GRM7: variants seen among roughly 807,000 people sequenced by gnomAD.
The protein encoded by GRM7 is metabotropic glutamate receptor 7.
In GRM7, 35 loss-of-function variants were observed where a neutral mutation model predicts 84.5. The ratio of observed to expected loss-of-function variants is 0.41; its 90% CI spans 0.32 to 0.55. GRM7 has a LOEUF of 0.55. Ranked by LOEUF, GRM7 falls within the 20% of genes least tolerant of loss-of-function variation. The pLI is 0.19. For missense variants in GRM7, 1,003 were observed against 1,194.6 expected (o/e 0.84, Z 2.36); for synonymous variants, 487 against 455.1 (o/e 1.07, Z -0.89).
chr3:7,096,705 C>T (rs1698873309), intron 1 of GRM7, among the ~76,000 whole-genome samples: 2 of 152,240 alleles, frequency 1.3e-5, no homozygotes, highest in African/African-American at 4.8e-5. Flanking sequence ...AATTCCAATG[C>T]TCTATTCACG....
At chr3:6,973,252 G>A (rs183556972) in intron 1 of GRM7, among the ~76,000 whole-genome samples, 1 of 151,506 alleles carries the variant, frequency 6.6e-6, no homozygotes, top group Non-Finnish European at 1.5e-5. Flanking sequence ...TGCCCTAATG[G>A]CACTCAATCA....
chr3:6,977,664 A>G (rs1329797538), intron 1 of GRM7, among the ~76,000 whole-genome samples: 2 of 152,172 alleles, frequency 1.3e-5, no homozygotes, highest in Non-Finnish European at 1.5e-5. Flanking sequence ...AATGTGGATC[A>G]GTACCTTGCT....
Position 7,216,013 on chromosome 3 carries a change from A to G in GRM7, c.736+69345A>G, listed in dbSNP as rs574924923. Among the ~76,000 whole-genome samples the G allele has an allele frequency of 2.6e-5, 4 of 152,346 alleles. No individual in the cohort carries two copies. In the South Asian group the frequency reaches 8.3e-4, roughly 32 times the overall value. The stretch of plus-strand genomic sequence containing the variant: ...GAACTGTAAAATATTCACTATTTAA[A>G]AAACAATATATAGTCTCATGTTTAT... On this transcript the variant is annotated intron_variant, in intron 2 of 9. Transcript: ENST00000357716.
rs575238830 is a variant in GRM7 at position 7,360,300 on chromosome 3, A to G, written c.1033+53648A>G. Reference sequence around the variant, plus strand: ...GCAAATATGCAGAAAATTGAAATCTATGATTTAAAAAGTCTTTTTTAATTT... The same window carrying G: ...GCAAATATGCAGAAAATTGAAATCTGTGATTTAAAAAGTCTTTTTTAATTT... On this transcript the variant is annotated intron_variant, in intron 4 of 9. Coordinates refer to ENST00000357716, the MANE Select transcript of GRM7 (RefSeq NM_000844.4). 5.1e-4 allele frequency among the ~76,000 whole-genome samples: 76 copies of G among 148,086 alleles called. 9 individuals are homozygous for G. Among genetic ancestry groups the G allele is most frequent in the African/African-American group, 1.8e-3 (71 of 39,112 alleles).
chr3:6,883,452 C>T (rs1196718073), intron 1 of GRM7, among the ~76,000 whole-genome samples: 2 of 152,002 alleles, frequency 1.3e-5, no homozygotes, highest in African/African-American at 4.8e-5. Context: ...CAATTTATTT[C>T]CTTTGCCAGT....
At chr3:7,424,200 G>T (rs1696509852) in intron 5 of GRM7, among the ~76,000 whole-genome samples, 1 of 151,990 alleles carries the variant, frequency 6.6e-6, no homozygotes, top group African/African-American at 2.4e-5. Context: ...GCAATACCTG[G>T]TAGGGATAGA....
intron 1 of GRM7, among the ~76,000 whole-genome samples, chr3:7,004,602 G>A (rs1382354091): frequency 1.3e-5 from 2 of 151,982 alleles, no homozygotes; most frequent in Non-Finnish European, 1.5e-5. Flanking sequence ...CATCTTTAAC[G>A]AGAAACTTCA....
At chr3:7,122,824 C>A (rs1360691005) in intron 1 of GRM7, among the ~76,000 whole-genome samples, 3 of 152,202 alleles carry the variant, frequency 2.0e-5, no homozygotes, top group Admixed American at 2.0e-4. Context: ...GAATAGTTCC[C>A]TTTTATGTCT....
chr3:7,454,092 T>A (rs13089067), intron 6 of GRM7, among the ~76,000 whole-genome samples: 68,021 of 114,570 alleles, frequency 0.59, 17,623 homozygotes, highest in Non-Finnish European at 0.66. Flanking sequence ...ACACACACAC[T>A]CTCTCTCTCT....
intron 1 of GRM7, among the ~76,000 whole-genome samples, chr3:6,974,543 A>G (rs1482414035): frequency 6.6e-6 from 1 of 152,194 alleles, no homozygotes; most frequent in Admixed American, 6.5e-5. Context: ...CGAGGGTATC[A>G]GGGAAGGCTG....
intron 1 of GRM7, among the ~76,000 whole-genome samples, chr3:7,081,948 G>T (rs2124998354): frequency 6.6e-6 from 1 of 152,166 alleles, no homozygotes; most frequent in Non-Finnish European, 1.5e-5. Context: ...GAGCTAGCAG[G>T]AGTTGGTTCC....
At chr3:7,479,847 A>G (rs984353521) in intron 7 of GRM7, among the ~76,000 whole-genome samples, 2 of 152,108 alleles carry the variant, frequency 1.3e-5, no homozygotes, top group African/African-American at 4.8e-5. Context: ...CTGACTCTCC[A>G]TCTGTAACAG....
chr3:6,980,635 C>T (rs1316941805), intron 1 of GRM7, among the ~76,000 whole-genome samples: 1 of 152,088 alleles, frequency 6.6e-6, no homozygotes, highest in African/African-American at 2.4e-5. Context: ...CTTTGAATGC[C>T]GTAAGTGGTA....
intron 4 of GRM7, among the ~76,000 whole-genome samples, chr3:7,360,993 G>C (rs902885602): frequency 1.3e-5 from 2 of 151,950 alleles, no homozygotes; most frequent in Non-Finnish European, 2.9e-5. Context: ...CCTAATCTGT[G>C]GCTCTTGAAC....
rs193088212 is a variant in GRM7 at position 7,276,274 on chromosome 3, A to G, written c.737-22410A>G. ...GTATATATAATTGTCCTCTCAATGT[A>G]GAAACATTGCTTTGATCTAAGGTAA... On this transcript the variant is annotated intron_variant, in intron 2 of 9. Coordinates refer to ENST00000357716, the MANE Select transcript of GRM7 (RefSeq NM_000844.4). 3.2e-3 allele frequency among the ~76,000 whole-genome samples: 486 copies of G among 150,946 alleles called. 11 individuals are homozygous for G. The highest frequency in any genetic ancestry group is 1.3e-4 in the Non-Finnish European group (9 of 67,658).
At chr3:6,924,459 C>A (rs183197707) in intron 1 of GRM7, among the ~76,000 whole-genome samples, 256 of 151,822 alleles carry the variant, frequency 1.7e-3, no homozygotes, top group Middle Eastern at 6.8e-3. Flanking sequence ...TTACTTACAC[C>A]AATTAAATAT....
chr3:7,448,889 A>G (rs1697643241), intron 5 of GRM7, among the ~76,000 whole-genome samples: 3 of 152,204 alleles, frequency 2.0e-5, no homozygotes, highest in Admixed American at 6.5e-5. Context: ...GGTCCCCTCA[A>G]TTATTAGTCT....
At chr3:7,247,822 C>G (rs1206940153) in intron 2 of GRM7, among the ~76,000 whole-genome samples, 1 of 151,912 alleles carries the variant, frequency 6.6e-6, no homozygotes, top group Admixed American at 6.6e-5. Flanking sequence ...GTGAACACTT[C>G]ACAACAGAAA....
intron 7 of GRM7, among the ~76,000 whole-genome samples, chr3:7,503,785 C>A (rs1404004383): frequency 6.6e-6 from 1 of 152,106 alleles, no homozygotes; most frequent in Non-Finnish European, 1.5e-5. Context: ...TCCAATTGAA[C>A]TGTCAGCTTT....
Sources: allele counts gnomAD v4.1 joint callset (sites outside exome capture counted in the v4.1 genomes callset), GRCh38; gene constraint gnomAD v4.1.1; transcripts MANE v1.5; gene names NCBI Gene and HGNC (gene_info 2026-07-23, HGNC 2026-07-21).